SHISA9: variants seen among roughly 807,000 people sequenced by gnomAD.
SHISA9 encodes shisa family member 9, also known as protein shisa-9.
Under a neutral mutation model 38.0 loss-of-function variants are expected in SHISA9, and 13 were observed. That is an observed-to-expected ratio of 0.34 (90% CI 0.22 to 0.54). SHISA9 has a LOEUF of 0.54. Ranked by LOEUF, SHISA9 falls within the 20% of genes least tolerant of loss-of-function variation. The pLI, the probability that SHISA9 is intolerant of heterozygous loss-of-function variation, is 0.91. For synonymous variants in SHISA9, 275 were observed against 242.0 expected (o/e 1.14, Z -1.27); for missense variants, 538 against 575.8 (o/e 0.93, Z 0.67).
the SHISA9 span, among the ~76,000 whole-genome samples, chr16:13,360,049 C>T: frequency 6.6e-6 from 1 of 152,182 alleles, no homozygotes; most frequent in African/African-American, 2.4e-5. Flanking sequence ...ACTTGCTGGG[C>T]TAAAGCGTGG....
the SHISA9 span, among the ~76,000 whole-genome samples, chr16:13,272,003 C>G: frequency 6.6e-6 from 1 of 151,474 alleles, no homozygotes; most frequent in Non-Finnish European, 1.5e-5. Context: ...CACTTAAACC[C>G]AGGAAGGAGA....
intron 2 of SHISA9, among the ~76,000 whole-genome samples, chr16:13,132,180 C>T (rs1304187470): frequency 8.5e-5 from 13 of 152,116 alleles, no homozygotes; most frequent in Admixed American, 8.5e-4. Context: ...GTGTGAATAG[C>T]AGCTCTGATG....
At chr16:13,163,835 C>T (rs551211155) in intron 2 of SHISA9, among the ~76,000 whole-genome samples, 2 of 151,992 alleles carry the variant, frequency 1.3e-5, no homozygotes, top group Non-Finnish European at 1.5e-5. Context: ...AACCTTGTGT[C>T]TTGCAACCTT....
At chr16:13,140,847 T>C (rs866002978) in intron 2 of SHISA9, among the ~76,000 whole-genome samples, 3 of 152,282 alleles carry the variant, frequency 2.0e-5, no homozygotes, top group Admixed American at 6.5e-5. Flanking sequence ...TTAGAAGGCA[T>C]TTGAAAGTAT....
chr16:13,041,787 C>T (rs960614257), intron 2 of SHISA9, among the ~76,000 whole-genome samples: 7 of 152,150 alleles, frequency 4.6e-5, no homozygotes, highest in African/African-American at 1.7e-4. Flanking sequence ...AATTCCAGGA[C>T]CTCACTGCCA....
chr16:13,076,703 A>C (rs1232261242), intron 2 of SHISA9, among the ~76,000 whole-genome samples: 1 of 152,120 alleles, frequency 6.6e-6, no homozygotes, highest in African/African-American at 2.4e-5. Context: ...GAGCTTCCTG[A>C]AGCTTCATTA....
At chr16:13,461,500 C>T in the SHISA9 span, among the ~76,000 whole-genome samples, 3 of 151,792 alleles carry the variant, frequency 2.0e-5, no homozygotes, top group Non-Finnish European at 4.4e-5. Flanking sequence ...AATCGCCTGA[C>T]CCCTGGAGGC....
intron 2 of SHISA9, among the ~76,000 whole-genome samples, chr16:12,974,685 G>A (rs938628546): frequency 2.6e-5 from 4 of 151,862 alleles, no homozygotes; most frequent in African/African-American, 4.8e-5. Flanking sequence ...GTTTTGCCAT[G>A]TTGACCAGGC....
intron 2 of SHISA9, among the ~76,000 whole-genome samples, chr16:12,979,727 A>G (rs1410326828): frequency 6.6e-6 from 1 of 151,898 alleles, no homozygotes; most frequent in Non-Finnish European, 1.5e-5. Flanking sequence ...TTGCTGTGGT[A>G]CATTTGTTTT....
intron 2 of SHISA9, among the ~76,000 whole-genome samples, chr16:13,049,200 GTGTGTA>G (rs2073223136): frequency 7.0e-5 from 9 of 127,964 alleles, no homozygotes; most frequent in South Asian, 2.6e-4. Flanking sequence ...GTGTGTGTGT[GTGTGTA>G]TGTGTATGTG....
the SHISA9 span, among the ~76,000 whole-genome samples, chr16:13,441,514 T>C: frequency 6.6e-6 from 1 of 152,178 alleles, no homozygotes; most frequent in Non-Finnish European, 1.5e-5. Context: ...GCCTATCCCA[T>C]GGAACACAGG....
At chr16:12,962,681 C>T (rs1724759166) in intron 2 of SHISA9, among the ~76,000 whole-genome samples, 1 of 152,228 alleles carries the variant, frequency 6.6e-6, no homozygotes, top group South Asian at 2.1e-4. Flanking sequence ...TTGGACTTCC[C>T]AGCCTCCAGA....
chr16:13,012,502 G>T (rs371777924), intron 2 of SHISA9, among the ~76,000 whole-genome samples: 197 of 152,246 alleles, frequency 1.3e-3, no homozygotes, highest in Non-Finnish European at 2.2e-3. Context: ...GGGAGAGTGC[G>T]GGGGATGAGA....
the SHISA9 span, among the ~76,000 whole-genome samples, chr16:13,523,765 C>T: frequency 2.0e-5 from 3 of 152,180 alleles, no homozygotes; most frequent in South Asian, 6.2e-4. Flanking sequence ...CCCACCAGGA[C>T]CCACCTCCAA....
chr16:13,213,644 G>A (rs1004035322), intron 4 of SHISA9, among the ~76,000 whole-genome samples: 5 of 152,170 alleles, frequency 3.3e-5, no homozygotes, highest in African/African-American at 1.2e-4. Context: ...TTAATTAATG[G>A]GGGCGGGGCG....
intron 2 of SHISA9, among the ~76,000 whole-genome samples, chr16:13,028,427 G>A (rs1477549869): frequency 6.6e-6 from 1 of 152,092 alleles, no homozygotes; most frequent in Non-Finnish European, 1.5e-5. Flanking sequence ...GGCTGGGGAG[G>A]CCTCACAATC....
Position 13,027,927 on chromosome 16 carries a change from C to CAAAAAAAAA in SHISA9, c.691+111117_691+111118insAAAAAAAAA, listed in dbSNP as rs201210384. Among the ~76,000 whole-genome samples, 3 of 29,404 alleles carry CAAAAAAAAA rather than the reference C, an allele frequency of 1.0e-4. 1 individual carries two copies. Among genetic ancestry groups the CAAAAAAAAA allele is most frequent in the African/African-American group, 1.7e-4 (1 of 6,006 alleles). 19.3% of individuals were successfully genotyped at this position (29,404 alleles called of 152,430 possible). A position where few individuals can be genotyped will look rare whatever the true frequency, so the allele number is the denominator to read the frequency against. ...GGGTGACTAGAGTGAAGCTCTGTCT[C>CAAAAAAAAA]AAAAACAAAAAAAAAAAAAAAAAAA... On this transcript the variant is annotated intron_variant, in intron 2 of 4. Coordinates refer to ENST00000558583, the MANE Select transcript of SHISA9 (RefSeq NM_001145204.3).
chr16:13,412,386 A>C, the SHISA9 span, among the ~76,000 whole-genome samples: 1 of 152,106 alleles, frequency 6.6e-6, no homozygotes, highest in Non-Finnish European at 1.5e-5. Context: ...GTGAACAAAC[A>C]ACAGATGTTC....
At chr16:13,135,053 A>G (rs1481520750) in intron 2 of SHISA9, among the ~76,000 whole-genome samples, 1 of 152,228 alleles carries the variant, frequency 6.6e-6, no homozygotes, top group Non-Finnish European at 1.5e-5. Flanking sequence ...AAAGCAAGTC[A>G]CATGACTCAC....
Sources: gnomAD v4.1 joint callset for allele counts (sites outside exome capture counted in the v4.1 genomes callset) on GRCh38, gnomAD v4.1.1 for gene constraint, MANE v1.5 for transcripts, NCBI Gene and HGNC (gene_info 2026-07-23, HGNC 2026-07-21) for gene names.